The following SRPRB variants were observed in gnomAD, a reference collection of about 807,000 sequenced individuals.
SRPRB encodes the protein signal recognition particle receptor subunit beta.
SRPRB carries 20 observed loss-of-function variants against 31.9 expected under a neutral mutation model. The ratio of observed to expected loss-of-function variants is 0.63; its 90% CI spans 0.44 to 0.91. The LOEUF is 0.91. SRPRB is among the 40% of genes least tolerant of loss of function. SRPRB has a pLI of 0.00. For synonymous variants in SRPRB, 146 were observed against 132.8 expected (o/e 1.10, Z -0.68); for missense variants, 321 against 324.9 (o/e 0.99, Z 0.09).
At chr3:133,816,541 T>G (rs983916138) in intron 5 of SRPRB, among the ~76,000 whole-genome samples, 21 of 152,236 alleles carry the variant, frequency 1.4e-4, no homozygotes, top group African/African-American at 5.1e-4. Context: ...TGAAGGCACT[T>G]CTCATAATCA....
Position 133,815,725 on chromosome 3 carries a change from A to T in SRPRB, c.546A>T (p.Gln182His), listed in dbSNP as rs908558480. The T allele has an allele frequency of 2.5e-6, 4 of 1,611,692 alleles. No homozygotes were observed. The highest frequency in any genetic ancestry group is 3.4e-6 in the Non-Finnish European group (4 of 1,178,576). The change falls in exon 5 of 7, where the codon CAA (glutamine) becomes CAT (histidine). Residue 182 changes from glutamine (Q) to histidine (H), a missense_variant and splice_region_variant. Transcript: ENST00000678299. ...CATTCTTAATAGCCTGCAATAAGCAAGGTGCCATCATGTTTTCTTGCAATA... is the reference window on the plus strand; with the variant it reads ...CATTCTTAATAGCCTGCAATAAGCATGGTGCCATCATGTTTTCTTGCAATA... ...TPSFLIACNK[Q>H]DIAMAKSAKL...
chr3:133,801,174 G>A (rs1935055751), upstream of SRPRB, among the ~76,000 whole-genome samples: 2 of 152,234 alleles, frequency 1.3e-5, no homozygotes, highest in Non-Finnish European at 2.9e-5. Context: ...GGAGCGGATG[G>A]AAGAAGGTGT....
chr3:133,816,973 A>T (rs756280267), intron 6 of SRPRB, 41 bp downstream of exon 6: 1 of 1,510,650 alleles, frequency 6.6e-7, no homozygotes, highest in South Asian at 1.2e-5. Flanking sequence ...ATATATCTTA[A>T]CACTTAGACT....
chr3:133,814,230 T>A (rs1479070705), intron 4 of SRPRB, among the ~76,000 whole-genome samples: 2 of 151,400 alleles, frequency 1.3e-5, no homozygotes, highest in Non-Finnish European at 1.5e-5. Flanking sequence ...CTCCCAGGTT[T>A]ACGCCATTCT....
chr3:133,786,871 C>T (rs1934700498), intron 1 of SRPRB: 1 of 152,144 alleles, frequency 6.6e-6, no homozygotes, highest in East Asian at 1.9e-4. Flanking sequence ...TCAGAATTGC[C>T]TGATGTATGT....
downstream of SRPRB, chr3:133,828,060 C>A (rs1057071238): frequency 2.9e-6 from 2 of 695,026 alleles, no homozygotes; most frequent in Admixed American, 2.0e-5. Context: ...GTACCCTCAA[C>A]CCCCTTCAAG....
chr3:133,788,136 A>C (rs1487755016), intron 1 of SRPRB: 1 of 152,372 alleles, frequency 6.6e-6, no homozygotes, highest in Non-Finnish European at 1.5e-5. Context: ...AAGCAGATTC[A>C]TGCAGACTTC....
rs74884317 is a variant in SRPRB at position 133,810,044 on chromosome 3, T to C, written c.328-1073T>C. On this transcript the variant is annotated intron_variant, in intron 3 of 6. Coordinates refer to ENST00000678299, the MANE Select transcript of SRPRB (RefSeq NM_001379313.1). Reference sequence around the variant, plus strand: ...ACGTTTTCGATCTAATCTCTTTAGATAGTAATATACCTAGTAATGTATCTT... The same window carrying C: ...ACGTTTTCGATCTAATCTCTTTAGACAGTAATATACCTAGTAATGTATCTT... 5.4e-3 allele frequency among the ~76,000 whole-genome samples: 827 copies of C among 152,304 alleles called. 6 individuals carry two copies. Among genetic ancestry groups the C allele is most frequent in the African/African-American group, 0.018 (753 of 41,556 alleles).
intron 3 of SRPRB, among the ~76,000 whole-genome samples, chr3:133,809,518 G>A (rs1447267142): frequency 2.0e-5 from 3 of 150,932 alleles, no homozygotes; most frequent in Non-Finnish European, 4.4e-5. Flanking sequence ...CACTCTTTGT[G>A]GCCCAGACCT....
In SRPRB at chr3:133,820,646, T is replaced by C. The variant is rs989709372; in HGVS notation, c.*880T>C. ...TGTAGATTTCTGAAGTGCATATTCA[T>C]TGATGCCAAGAAAAAAAAAAAGTTG... On this transcript the variant is annotated 3_prime_UTR_variant, in exon 7 of 7. Transcript: ENST00000678299. 1 of 149,360 alleles carries C rather than the reference T, an allele frequency of 6.7e-6. No individual in the cohort carries two copies. The highest frequency in any genetic ancestry group is 1.5e-5 in the Non-Finnish European group (1 of 67,254). The allele number at this position is 149,360 out of a possible 1,614,324, so 9.3% of individuals were successfully genotyped here. A position where few individuals can be genotyped will look rare whatever the true frequency, so the allele number is the denominator to read the frequency against.
chr3:133,804,641 G>T (rs1318842560), upstream of SRPRB, among the ~76,000 whole-genome samples: 2 of 152,016 alleles, frequency 1.3e-5, no homozygotes, highest in African/African-American at 4.8e-5. Flanking sequence ...GGTTTTTGCA[G>T]TCTTTTGTGA....
chr3:133,798,593 T>G lies in SRPRB; in HGVS notation c.-173-7083T>G, dbSNP rs561690950. ...TTGTTCCAAGAAAGGCAGGATTACA[T>G]TTTTTCCTAATAGATTGAGTTGGTG... is the stretch of plus-strand genomic sequence containing the variant. On this transcript the variant is annotated intron_variant, in intron 1 of 7. Coordinates refer to the SRPRB transcript ENST00000466490. 7.9e-5 allele frequency among the ~76,000 whole-genome samples: 12 copies of G among 152,310 alleles called. No individual in the cohort carries two copies. The South Asian group carries it at 2.3e-3, about 29-fold the overall frequency.
At chr3:133,809,801 A>G (rs1290190081) in intron 3 of SRPRB, among the ~76,000 whole-genome samples, 1 of 152,178 alleles carries the variant, frequency 6.6e-6, no homozygotes, top group African/African-American at 2.4e-5. Context: ...TTTTTATTAC[A>G]TTTTAAAAGA....
intron 3 of SRPRB, among the ~76,000 whole-genome samples, chr3:133,810,001 T>C (rs953836964): frequency 3.3e-5 from 5 of 152,196 alleles, no homozygotes; most frequent in Non-Finnish European, 1.5e-5. Flanking sequence ...CCCTCTTCAC[T>C]CTTTCTCCTA....
At chr3:133,810,028 A>G (rs577835490) in intron 3 of SRPRB, among the ~76,000 whole-genome samples, 84 of 152,144 alleles carry the variant, frequency 5.5e-4, no homozygotes, top group African/African-American at 1.9e-3. Flanking sequence ...TACGTTTTCG[A>G]TCTAATCTCT....
At chr3:133,799,186 C>T (rs925433893) in intron 1 of SRPRB, among the ~76,000 whole-genome samples, 1 of 152,196 alleles carries the variant, frequency 6.6e-6, no homozygotes, top group Non-Finnish European at 1.5e-5. Context: ...ATACTTCAAA[C>T]ACATATGTCC....
chr3:133,822,629 C>T (rs116974632), downstream of SRPRB, among the ~76,000 whole-genome samples: 612 of 152,286 alleles, frequency 4.0e-3, 22 homozygotes, highest in East Asian at 0.092. Context: ...CCCCTGTGGT[C>T]CTGCCTTGTA....
In SRPRB at chr3:133,819,443, G is replaced by C. The variant is rs1935427025; in HGVS notation, c.603-110G>C. Reference sequence around the variant, plus strand: ...ATTCAACAATCTTAATAGCATAATTGGCAATTCTATAGTTAAGTTTTAAAT... The same window carrying C: ...ATTCAACAATCTTAATAGCATAATTCGCAATTCTATAGTTAAGTTTTAAAT... On this transcript the variant is annotated intron_variant, in intron 6 of 6. Coordinates refer to ENST00000678299, the MANE Select transcript of SRPRB (RefSeq NM_001379313.1). 3.5e-5 allele frequency: 28 copies of C among 805,510 alleles called. No homozygotes were observed. The South Asian group carries it at 4.6e-4, about 13-fold the overall frequency. The allele number at this position is 805,510 out of a possible 1,614,324, so 49.9% of individuals were successfully genotyped here. A position where few individuals can be genotyped will look rare whatever the true frequency, so the allele number is the denominator to read the frequency against.
chr3:133,807,971 C>T, intron 3 of SRPRB, 148 bp downstream of exon 3: 1 of 618,892 alleles, frequency 1.6e-6, no homozygotes, highest in Non-Finnish European at 2.8e-6. Flanking sequence ...GTGACAAATT[C>T]TCTTGACAAT....
Sources: gnomAD v4.1 joint callset for allele counts (sites outside exome capture counted in the v4.1 genomes callset) on GRCh38, gnomAD v4.1.1 for gene constraint, MANE v1.5 for transcripts, NCBI Gene and HGNC (gene_info 2026-07-23, HGNC 2026-07-21) for gene names.